Variants in PGM5 observed in about 807,000 individuals in gnomAD.
PGM5 encodes phosphoglucomutase 5.
Under a neutral mutation model 59.2 loss-of-function variants are expected in PGM5, and 23 were observed. That is an observed-to-expected ratio of 0.39 (90% CI 0.28 to 0.55). The LOEUF (loss-of-function observed/expected upper bound fraction) is 0.55, where lower values mean the gene tolerates loss of function less well. Ranked by LOEUF, PGM5 falls within the 20% of genes least tolerant of loss-of-function variation. The probability of loss-of-function intolerance (pLI) is 0.66; values close to 1 mark genes in which losing one functional copy is unlikely to be tolerated. For synonymous variants in PGM5, 214 were observed against 286.0 expected (o/e 0.75, Z 2.54); for missense variants, 574 against 748.3 (o/e 0.77, Z 2.72).
chr9:68,357,123 G>A lies in PGM5; in HGVS notation c.-5G>A. 2.6e-6 allele frequency: 4 copies of A among 1,512,930 alleles called. No homozygotes were observed. Among genetic ancestry groups the A allele is most frequent in the Non-Finnish European group, 2.6e-6 (3 of 1,134,984 alleles). 93.7% of individuals were successfully genotyped at this position (1,512,930 alleles called of 1,614,324 possible). ...GAGCCGCAGCAGGACCGGCCAGGAG[G>A]CGCCATGGAGGGGAGCCCCATCCCG... On this transcript the variant is annotated 5_prime_UTR_variant, in exon 1 of 11. Coordinates refer to ENST00000396396, the MANE Select transcript of PGM5 (RefSeq NM_021965.4).
intron 10 of PGM5, 51 bp from the exon 11 acceptor site, chr9:68,529,516 C>CA (rs1386143527): frequency 4.5e-6 from 6 of 1,341,168 alleles, no homozygotes; most frequent in Non-Finnish European, 6.3e-6. Flanking sequence ...CAGAATGCCC[C>CA]AAAATGTAAC....
At chr9:68,367,902 C>T (rs1834709986) in intron 1 of PGM5, among the ~76,000 whole-genome samples, 1 of 150,824 alleles carries the variant, frequency 6.6e-6, no homozygotes, top group Non-Finnish European at 1.5e-5. Context: ...TTTTTTTGTT[C>T]TACCTATAAA....
At chr9:68,389,946 T>C (rs1159561222) in intron 4 of PGM5, among the ~76,000 whole-genome samples, 1 of 152,140 alleles carries the variant, frequency 6.6e-6, no homozygotes, top group African/African-American at 2.4e-5. Context: ...CTCTATCTTG[T>C]TAATCTCTAT....
At chr9:68,397,999 C>G (rs1822555615) in intron 6 of PGM5, 1 of 152,216 alleles carries the variant, frequency 6.6e-6, no homozygotes, top group Non-Finnish European at 1.5e-5. Flanking sequence ...CAGTGTTAAT[C>G]CTGCAAGTAT....
intron 2 of PGM5, among the ~76,000 whole-genome samples, chr9:68,384,186 G>A (rs1278530151): frequency 1.3e-5 from 2 of 151,992 alleles, no homozygotes; most frequent in Non-Finnish European, 2.9e-5. Context: ...TGGGTTGTTA[G>A]TCTACATAGA....
intron 4 of PGM5, among the ~76,000 whole-genome samples, chr9:68,391,269 T>A (rs558396847): frequency 1.2e-3 from 189 of 152,150 alleles, no homozygotes; most frequent in African/African-American, 4.4e-3. Context: ...TCTGGCAACC[T>A]TTTAGAAAAA....
intron 10 of PGM5, among the ~76,000 whole-genome samples, chr9:68,507,535 G>A (rs1443771377): frequency 6.6e-6 from 1 of 151,894 alleles, no homozygotes; most frequent in Non-Finnish European, 1.5e-5. Context: ...TATTGAGCAG[G>A]ATAATGTCTC....
At chr9:68,448,855 C>T (rs1554684170) in intron 6 of PGM5, among the ~76,000 whole-genome samples, 2 of 152,196 alleles carry the variant, frequency 1.3e-5, no homozygotes, top group African/African-American at 4.8e-5. Context: ...TATGGGACAG[C>T]AGATTGTGGG....
At chr9:68,421,678 CTG>C (rs1476923749) in intron 6 of PGM5, among the ~76,000 whole-genome samples, 2 of 152,134 alleles carry the variant, frequency 1.3e-5, no homozygotes. Flanking sequence ...GATCATACCA[CTG>C]TACTCCAGCC....
intron 7 of PGM5, among the ~76,000 whole-genome samples, chr9:68,477,935 C>A (rs571783333): frequency 6.6e-6 from 1 of 152,200 alleles, no homozygotes; most frequent in East Asian, 1.9e-4. Context: ...TAAGTTGATA[C>A]AACAACAATG....
chr9:68,476,091 T>G (rs574254516), intron 7 of PGM5, among the ~76,000 whole-genome samples: 7 of 152,330 alleles, frequency 4.6e-5, no homozygotes, highest in Non-Finnish European at 8.8e-5. Context: ...GTCCTATGAC[T>G]TAAGGTTAAG....
chr9:68,524,399 G>T (rs971372099), intron 10 of PGM5, among the ~76,000 whole-genome samples: 1 of 152,120 alleles, frequency 6.6e-6, no homozygotes, highest in Non-Finnish European at 1.5e-5. Context: ...AGGATGCAAG[G>T]CCTGCTTGGT....
chr9:68,399,724 A>G (rs1407756840), intron 6 of PGM5, among the ~76,000 whole-genome samples: 1 of 151,858 alleles, frequency 6.6e-6, no homozygotes, highest in Non-Finnish European at 1.5e-5. Context: ...ACCCGTTGTC[A>G]GTTTTAGGCA....
intron 1 of PGM5, among the ~76,000 whole-genome samples, chr9:68,369,320 C>T (rs1834741009): frequency 6.6e-6 from 1 of 152,126 alleles, no homozygotes; most frequent in Non-Finnish European, 1.5e-5. Context: ...TACATTCTTT[C>T]CCATCGAACA....
rs1823832995 is a variant in PGM5 at position 68,459,962 on chromosome 9, G to T, written c.1044-5131G>T. Among the ~76,000 whole-genome samples, 3 of 152,236 alleles carry T rather than the reference G, an allele frequency of 2.0e-5. No homozygotes were observed. The South Asian group carries it at 6.2e-4, about 32-fold the overall frequency. ...ATGCAAATATCTTTTTCTAATCTGT[G>T]TATTTGAGGGTCTTAAAAGGGGTCT... On this transcript the variant is annotated intron_variant, in intron 6 of 10. Transcript: ENST00000396396.
chr9:68,400,354 T>C (rs1381447047), intron 6 of PGM5, among the ~76,000 whole-genome samples: 7 of 152,178 alleles, frequency 4.6e-5, no homozygotes, highest in African/African-American at 9.7e-5. Flanking sequence ...GTCATGCTGC[T>C]TACAGTTTCC....
chr9:68,474,697 G>C (rs1318802415), intron 7 of PGM5, among the ~76,000 whole-genome samples: 4 of 151,630 alleles, frequency 2.6e-5, no homozygotes, highest in Admixed American at 2.0e-4. Context: ...AGATTGCGTG[G>C]GCTTTGGGCT....
At chr9:68,398,897 G>A (rs1360517572) in intron 6 of PGM5, among the ~76,000 whole-genome samples, 1 of 151,906 alleles carries the variant, frequency 6.6e-6, no homozygotes, top group Non-Finnish European at 1.5e-5. Context: ...TTTAATAATT[G>A]GTCTGATTGA....
chr9:68,421,248 C>T (rs1463907059), intron 6 of PGM5, among the ~76,000 whole-genome samples: 5 of 152,200 alleles, frequency 3.3e-5, no homozygotes, highest in Non-Finnish European at 7.3e-5. Context: ...TGCCTAGGGC[C>T]TGCTTCTTCT....
Sources: allele counts gnomAD v4.1 joint callset (sites outside exome capture counted in the v4.1 genomes callset), GRCh38; gene constraint gnomAD v4.1.1; transcripts MANE v1.5; gene names NCBI Gene and HGNC (gene_info 2026-07-23, HGNC 2026-07-21).